The following TBL1XR1 variants were observed in gnomAD, a reference collection of about 807,000 sequenced individuals.
TBL1XR1 encodes the protein F-box-like/WD repeat-containing protein TBL1XR1.
Under a neutral mutation model 66.9 loss-of-function variants are expected in TBL1XR1, and 5 were observed. The observed-to-expected ratio is 0.07, with a 90% CI of 0.04 to 0.16. The LOEUF (loss-of-function observed/expected upper bound fraction) is 0.16. Ranked by LOEUF, TBL1XR1 falls within the 10% of genes least tolerant of loss-of-function variation. TBL1XR1 has a pLI of 1.00. For missense variants in TBL1XR1, 238 were observed against 623.2 expected, an observed-to-expected ratio of 0.38 and a Z score of 6.58; for synonymous variants, 210 against 206.0, an observed-to-expected ratio of 1.02 and a Z score of -0.17.
rs1318396649 is a variant in TBL1XR1 at position 177,021,640 on chromosome 3, C to T, written c.*3858G>A. ...CATAACTTCCCTACCCTCCTTCCATCCCTGCTGATTCAGGAGAAGGGGGAA... is the reference window on the plus strand; with the variant it reads ...CATAACTTCCCTACCCTCCTTCCATTCCTGCTGATTCAGGAGAAGGGGGAA... On this transcript the variant is annotated 3_prime_UTR_variant, in exon 16 of 16. Coordinates refer to ENST00000457928, the MANE Select transcript of TBL1XR1 (RefSeq NM_024665.7). 6.6e-6 allele frequency: 1 copy of T among 152,548 alleles called. No individual in the cohort carries two copies. The highest frequency in any genetic ancestry group is 1.9e-4 in the East Asian group (1 of 5,194). 9.4% of individuals were successfully genotyped at this position (152,548 alleles called of 1,614,324 possible). A position where few individuals can be genotyped will look rare whatever the true frequency, so the allele number is the denominator to read the frequency against.
At chr3:177,172,575 C>T (rs955925677) in intron 1 of TBL1XR1, among the ~76,000 whole-genome samples, 2 of 148,048 alleles carry the variant, frequency 1.4e-5, no homozygotes, top group East Asian at 2.1e-4. Context: ...GAGCCATAAT[C>T]GTACCACTAC....
intron 2 of TBL1XR1, among the ~76,000 whole-genome samples, chr3:177,074,750 A>C (rs758281157): frequency 1.3e-5 from 2 of 152,358 alleles, no homozygotes; most frequent in Non-Finnish European, 2.9e-5. Flanking sequence ...CTAATATAAC[A>C]AAATGTTAAT....
intron 1 of TBL1XR1, among the ~76,000 whole-genome samples, chr3:177,145,412 T>C (rs1260893587): frequency 1.3e-5 from 2 of 152,136 alleles, no homozygotes; most frequent in Admixed American, 6.6e-5. Flanking sequence ...AACAAATATG[T>C]ATGGAATACA....
intron 1 of TBL1XR1, among the ~76,000 whole-genome samples, chr3:177,137,891 G>C (rs1178323791): frequency 6.6e-6 from 1 of 152,124 alleles, no homozygotes; most frequent in African/African-American, 2.4e-5. Context: ...GATCAACTGA[G>C]CCTGTGAGGT....
At chr3:177,160,318 C>CA (rs1428892650) in intron 1 of TBL1XR1, among the ~76,000 whole-genome samples, 4 of 151,764 alleles carry the variant, frequency 2.6e-5, no homozygotes, top group Non-Finnish European at 5.9e-5. Context: ...ACTAAAAATA[C>CA]AAAAAATTAG....
chr3:177,136,956 G>T (rs544684025), intron 1 of TBL1XR1, among the ~76,000 whole-genome samples: 2 of 151,972 alleles, frequency 1.3e-5, no homozygotes, highest in East Asian at 3.9e-4. Flanking sequence ...CAATATATAC[G>T]GTCTCTCAAA....
chr3:177,033,423 A>C (rs951011317), intron 13 of TBL1XR1, among the ~76,000 whole-genome samples: 4 of 152,192 alleles, frequency 2.6e-5, no homozygotes, highest in African/African-American at 4.8e-5. Flanking sequence ...AGAAAACGTA[A>C]ATGTGCTCAT....
intron 1 of TBL1XR1, among the ~76,000 whole-genome samples, chr3:177,187,714 T>C (rs1054431484): frequency 3.6e-4 from 55 of 151,908 alleles, no homozygotes; most frequent in Admixed American, 2.6e-4. Flanking sequence ...CGCTCTCCAC[T>C]GTGCTGAAAA....
intron 1 of TBL1XR1, among the ~76,000 whole-genome samples, chr3:177,189,512 A>G (rs10936934): frequency 0.61 from 91,744 of 151,628 alleles, 28,016 homozygotes; most frequent in East Asian, 0.75. Flanking sequence ...AAAATTAGCC[A>G]GGCGTGGTGG....
At chr3:177,127,228 C>T (rs780001136) in intron 1 of TBL1XR1, among the ~76,000 whole-genome samples, 1 of 152,174 alleles carries the variant, frequency 6.6e-6, no homozygotes, top group Non-Finnish European at 1.5e-5. Context: ...ATCTAGTTCC[C>T]AAGTCCCTTG....
chr3:177,065,530 C>G (rs966177545), intron 2 of TBL1XR1, among the ~76,000 whole-genome samples: 1 of 152,100 alleles, frequency 6.6e-6, no homozygotes, highest in African/African-American at 2.4e-5. Context: ...CTGTAATGTT[C>G]AAGTCTCAAA....
At chr3:177,069,753 A>C in intron 2 of TBL1XR1, among the ~76,000 whole-genome samples, 1 of 144,668 alleles carries the variant, frequency 6.9e-6, no homozygotes. Flanking sequence ...AAAGAAAGAA[A>C]GGAAAGGAAA....
Position 177,035,571 on chromosome 3 carries a change from G to A in TBL1XR1, c.1123-1246C>T, listed in dbSNP as rs371632173. 2.2e-3 allele frequency among the ~76,000 whole-genome samples: 332 copies of A among 152,112 alleles called. 3 individuals are homozygous for A. The highest frequency in any genetic ancestry group is 7.4e-3 in the African/African-American group (309 of 41,500). On this transcript the variant is annotated intron_variant, in intron 12 of 15. Transcript: ENST00000457928. The stretch of plus-strand genomic sequence containing the variant: ...TGGGATTATAGGCACCTGCCGCCAC[G>A]CTCGGCTAAATTTGGTATATTTAGC...
chr3:177,033,029 T>G lies in TBL1XR1; in HGVS notation c.1358A>C (p.Asp453Ala). The change falls in exon 14 of 16, where the codon GAT becomes GCT. Residue 453 changes from aspartate (D) to alanine (A), a missense_variant. Physicochemically the swap from Asp to Ala is moderately radical, Grantham distance 126 (BLOSUM62 -2). Transcript: ENST00000457928. ...EPVYSVAFSPDGRYLASGSFD... is the reference protein window; with the variant it reads ...EPVYSVAFSPAGRYLASGSFD... Reference sequence around the variant, plus strand: ...AGAACCACTTGCCAGATACCTGCCATCAGGACTGAAAGCTACACTGTACAC... The same window carrying G: ...AGAACCACTTGCCAGATACCTGCCAGCAGGACTGAAAGCTACACTGTACAC... The G allele has an allele frequency of 6.2e-7, 1 of 1,608,478 alleles. No individual in the cohort carries two copies. Among genetic ancestry groups the G allele is most frequent in the South Asian group, 1.1e-5 (1 of 90,404 alleles).
At chr3:177,053,353 C>A (rs1467098603) in intron 4 of TBL1XR1, among the ~76,000 whole-genome samples, 1 of 152,068 alleles carries the variant, frequency 6.6e-6, no homozygotes, top group Non-Finnish European at 1.5e-5. Context: ...TATGCTGACC[C>A]CTAAGCCAAA....
chr3:177,186,305 T>C (rs981764423), intron 1 of TBL1XR1, among the ~76,000 whole-genome samples: 7 of 152,348 alleles, frequency 4.6e-5, no homozygotes, highest in African/African-American at 1.7e-4. Flanking sequence ...GTATATTACA[T>C]TGTTATATGA....
At chr3:177,078,582 C>T (rs1206773033) in intron 2 of TBL1XR1, 1 of 125,326 alleles carries the variant, frequency 8.0e-6, no homozygotes, top group Non-Finnish European at 1.7e-5. Context: ...AGTGAGACCC[C>T]CATCTCAAAA....
chr3:177,109,667 CA>C (rs1396438773), intron 1 of TBL1XR1, among the ~76,000 whole-genome samples: 1 of 152,092 alleles, frequency 6.6e-6, no homozygotes, highest in African/African-American at 2.4e-5. Flanking sequence ...CCTGCTCTCT[CA>C]CAGTTTAAAT....
At chr3:177,139,158 A>T (rs1453646568) in intron 1 of TBL1XR1, among the ~76,000 whole-genome samples, 1 of 152,226 alleles carries the variant, frequency 6.6e-6, no homozygotes, top group African/African-American at 2.4e-5. Context: ...CTCAAAAAAC[A>T]CACTGCAAGA....
Sources: gnomAD v4.1 joint callset for allele counts (sites outside exome capture counted in the v4.1 genomes callset) on GRCh38, gnomAD v4.1.1 for gene constraint, MANE v1.5 for transcripts, NCBI Gene and HGNC (gene_info 2026-07-23, HGNC 2026-07-21) for gene names.